The following LIPN variants were observed in gnomAD, a reference collection of about 807,000 sequenced individuals.
LIPN encodes the protein lipase member N.
Under a neutral mutation model 43.7 loss-of-function variants are expected in LIPN, and 32 were observed. The observed-to-expected ratio is 0.73, with a 90% CI of 0.55 to 0.98. LIPN has a LOEUF of 0.98. LIPN is among the 50% of genes least tolerant of loss of function. The pLI is 0.00. For synonymous variants in LIPN, 156 were observed against 157.6 expected, an observed-to-expected ratio of 0.99 and a Z score of 0.08; for missense variants, 505 against 483.8, an observed-to-expected ratio of 1.04 and a Z score of -0.41.
chr10:88,768,982 C>T, intron 6 of LIPN, 54 bp downstream of exon 6: 1 of 1,519,364 alleles, frequency 6.6e-7, no homozygotes, highest in Non-Finnish European at 9.0e-7. Flanking sequence ...ATCATAAATC[C>T]TTATTATTTT....
chr10:88,771,907 T>G (rs1843215721), intron 7 of LIPN, among the ~76,000 whole-genome samples: 1 of 151,866 alleles, frequency 6.6e-6, no homozygotes, highest in East Asian at 1.9e-4. Flanking sequence ...TCCACATTCT[T>G]GTCAGCATCC....
In LIPN at chr10:88,775,158, A is replaced by T. The variant is rs777545741; in HGVS notation, c.958A>T (p.Asn320Tyr). The T allele has an allele frequency of 1.6e-5, 25 of 1,540,412 alleles. No homozygotes were observed. The South Asian group carries it at 3.0e-4, about 18-fold the overall frequency. The change falls in exon 9 of 10, where the codon AAT becomes TAT. Residue 320 changes from asparagine to tyrosine, a missense_variant. Asn to Tyr is a moderately radical substitution (Grantham distance 143). Transcript: ENST00000404459. ...GNDADNMKHYNQSHPPIYDLT... is the reference protein window; with the variant it reads ...GNDADNMKHYYQSHPPIYDLT... ...TGACGCTGATAATATGAAACATTAC[A>T]ATCAGGTGAGCTATTTACAGTAACC... is the stretch of plus-strand genomic sequence containing the variant.
chr10:88,762,247 T>A lies in LIPN; in HGVS notation c.168T>A (p.Asp56Glu). The A allele has an allele frequency of 6.2e-7, 1 of 1,610,010 alleles. No individual in the cohort carries two copies. The highest frequency in any genetic ancestry group is 1.7e-4 in the Middle Eastern group (1 of 6,044). ...PSEEYEVTTEDGYILLVNRIP... is the reference protein window; with the variant it reads ...PSEEYEVTTEEGYILLVNRIP... ...AAGAGTATGAAGTCACCACTGAAGA[T>A]GGGTATATACTCCTTGTCAACAGAA... Residue 56 changes from aspartate (D) to glutamate (E), a missense_variant, in exon 3 of 10, where the codon GAT (aspartate) becomes GAA (glutamate). Transcript: ENST00000404459.
chr10:88,775,276 C>CT (rs971969626), intron 9 of LIPN, 113 bp downstream of exon 9: 18 of 533,306 alleles, frequency 3.4e-5, no homozygotes, highest in Admixed American at 8.0e-5. Context: ...ACTGATAGAA[C>CT]TTTTTTTTAA....
At chr10:88,767,644 C>CAAAAAAAAAAAAA (rs61646268) in intron 5 of LIPN, among the ~76,000 whole-genome samples, 3 of 61,484 alleles carry the variant, frequency 4.9e-5, no homozygotes, top group Non-Finnish European at 9.0e-5. Context: ...ACTTGATCTG[C>CAAAAAAAAAAAAA]AAAAAAAAAA....
intron 7 of LIPN, 35 bp downstream of exon 7, chr10:88,771,026 T>C: frequency 6.7e-7 from 1 of 1,497,572 alleles, no homozygotes; most frequent in Non-Finnish European, 9.0e-7. Flanking sequence ...TTTGATACCT[T>C]AAGAAATTCC....
chr10:88,757,562 T>C (rs1030990134), upstream of LIPN, among the ~76,000 whole-genome samples: 5 of 152,168 alleles, frequency 3.3e-5, no homozygotes, highest in Admixed American at 3.3e-4. Flanking sequence ...ACTTCTCTCT[T>C]CTATTATAGC....
upstream of LIPN, among the ~76,000 whole-genome samples, chr10:88,757,371 C>T (rs773686829): frequency 1.3e-5 from 2 of 152,102 alleles, no homozygotes; most frequent in Middle Eastern, 3.2e-3. Flanking sequence ...CGTGTCACTC[C>T]GGAACATGGA....
intron 7 of LIPN, among the ~76,000 whole-genome samples, chr10:88,773,022 G>T (rs188602906): frequency 3.5e-4 from 53 of 151,648 alleles, no homozygotes; most frequent in African/African-American, 1.2e-3. Flanking sequence ...AAATGGAAAG[G>T]TATTCCATGT....
intron 3 of LIPN, 58 bp downstream of exon 3, chr10:88,762,363 G>GTC: frequency 1.9e-6 from 2 of 1,030,140 alleles, no homozygotes; most frequent in Non-Finnish European, 3.0e-6. Flanking sequence ...TTCTCAGGAG[G>GTC]AATTTAATGC....
intron 9 of LIPN, among the ~76,000 whole-genome samples, chr10:88,776,289 C>T (rs1373193591): frequency 6.6e-6 from 1 of 151,948 alleles, no homozygotes; most frequent in African/African-American, 2.4e-5. Context: ...AGTGGATGGA[C>T]ATGAAACAGT....
At chr10:88,760,341 A>G (rs1027854976) in intron 1 of LIPN, among the ~76,000 whole-genome samples, 1 of 152,088 alleles carries the variant, frequency 6.6e-6, no homozygotes, top group African/African-American at 2.4e-5. Flanking sequence ...CTTAAATAAC[A>G]TACGTGAACT....
Position 88,761,503 on chromosome 10 carries a change from G to A in LIPN, c.98G>A (p.Trp33Ter). The A allele has an allele frequency of 6.2e-7, 1 of 1,606,634 alleles. No homozygotes were observed. The change falls in exon 2 of 10, where the codon TGG becomes TAG. Residue 33 changes from tryptophan to a stop codon, truncating the protein, a stop_gained. Coordinates refer to ENST00000404459, the MANE Select transcript of LIPN (RefSeq NM_001102469.2). LOFTEE classifies it high-confidence loss of function. ...GAAAATGAAGTGAATCCTGAGGTGT[G>A]GATGAATACTGTAAGTCATGGAAAA... ...DLENEVNPEV[W>*]MNTSEIIIYN... is the part of the protein sequence containing the mutation.
At chr10:88,773,428 T>C (rs1023030705) in intron 7 of LIPN, among the ~76,000 whole-genome samples, 4 of 151,926 alleles carry the variant, frequency 2.6e-5, no homozygotes, top group African/African-American at 9.7e-5. Context: ...CATATAAACC[T>C]GCGTCTTATT....
chr10:88,777,048 T>G (rs303482), intron 9 of LIPN, among the ~76,000 whole-genome samples: 149,811 of 152,130 alleles, frequency 0.98, 73,775 homozygotes, highest in East Asian at 1. Context: ...ACTTACTCCT[T>G]AACCTTGTAC....
chr10:88,771,413 C>T (rs1321478112), intron 7 of LIPN, among the ~76,000 whole-genome samples: 3 of 151,746 alleles, frequency 2.0e-5, no homozygotes, highest in African/African-American at 7.3e-5. Context: ...CCTTCCCCCT[C>T]CCCTACTACC....
In LIPN at chr10:88,779,291, T is replaced by C. The variant is rs1440185471; in HGVS notation, c.*1049T>C. Among the ~76,000 whole-genome samples the C allele has an allele frequency of 6.6e-6, 1 of 152,190 alleles. No individual in the cohort carries two copies. The highest frequency in any genetic ancestry group is 2.4e-5 in the African/African-American group (1 of 41,458). On this transcript the variant is annotated 3_prime_UTR_variant, in exon 10 of 10. Transcript: ENST00000404459. ...CCTTCTGTGCTAAGAGAGATGATCC[T>C]TGGAAAATCCAGAGCCAGCTCCATA...
intron 7 of LIPN, 148 bp from the exon 8 acceptor site, chr10:88,774,325 C>A: frequency 1.7e-6 from 1 of 593,462 alleles, no homozygotes; most frequent in Non-Finnish European, 3.0e-6. Context: ...AAAGTATTGA[C>A]CTAAATGGTA....
At chr10:88,770,707 A>C (rs992383534) in intron 6 of LIPN, 138 bp from the exon 7 acceptor site, 5 of 518,182 alleles carry the variant, frequency 9.6e-6, no homozygotes, top group Non-Finnish European at 1.7e-5. Context: ...GTTTTTTGCT[A>C]TTGCTATTTG....
Sources: gnomAD v4.1 joint callset for allele counts (sites outside exome capture counted in the v4.1 genomes callset) on GRCh38, gnomAD v4.1.1 for gene constraint, MANE v1.5 for transcripts, NCBI Gene and HGNC (gene_info 2026-07-23, HGNC 2026-07-21) for gene names.